The following ZIC5 variants were observed in gnomAD, a reference collection of about 807,000 sequenced individuals.
ZIC5 encodes the protein Zic family zinc finger 5, also known as zinc finger protein ZIC 5.
Under a neutral mutation model 28.5 loss-of-function variants are expected in ZIC5, and 20 were observed. The observed-to-expected ratio is 0.70, with a 90% CI of 0.49 to 1.02. The LOEUF (loss-of-function observed/expected upper bound fraction) is 1.02, where lower values mean the gene tolerates loss of function less well. Among genes scored for constraint, ZIC5 ranks in the 50% least tolerant of loss-of-function variants. ZIC5 has a pLI of 0.00. For synonymous variants in ZIC5, 488 were observed against 410.4 expected (o/e 1.19, Z -2.29); for missense variants, 951 against 899.7 (o/e 1.06, Z -0.73).
In ZIC5 at chr13:99,963,529, T is replaced by C. The variant is rs2053072603; in HGVS notation, c.*1848A>G. 1 of 152,546 alleles carries C rather than the reference T, an allele frequency of 6.6e-6. No homozygotes were observed. The highest frequency in any genetic ancestry group is 6.5e-5 in the Admixed American group (1 of 15,274). 9.4% of individuals were successfully genotyped at this position (152,546 alleles called of 1,614,324 possible). On this transcript the variant is annotated 3_prime_UTR_variant, in exon 2 of 2. Coordinates refer to ENST00000267294, the MANE Select transcript of ZIC5 (RefSeq NM_033132.5). ...CAAGTGACAGCACCATGCACTGTAC[T>C]AGTAATATAATATATCTATAAACTA...
chr13:99,970,000 G>T, intron 1 of ZIC5, 127 bp downstream of exon 1: 2 of 1,428,840 alleles, frequency 1.4e-6, no homozygotes, highest in South Asian at 1.2e-5. Flanking sequence ...ATACGTATGC[G>T]AAGAGAAGCA....
chr13:99,965,170 GA>G lies in ZIC5; in HGVS notation c.*206del, dbSNP rs34614095. On this transcript the variant is annotated 3_prime_UTR_variant, in exon 2 of 2. Coordinates refer to ENST00000267294, the MANE Select transcript of ZIC5 (RefSeq NM_033132.5). ...TGGTTGTTTTTTGTTTGTTTTTTAA[GA>G]AAAAAAAAAAAAAAAGCCCAAATAT... is the stretch of plus-strand genomic sequence containing the variant. The G allele has an allele frequency of 0.067, 14,061 of 210,148 alleles. 106 individuals carry two copies. Among genetic ancestry groups the G allele is most frequent in the East Asian group, 0.1 (926 of 9,202 alleles). 13.0% of individuals were successfully genotyped at this position (210,148 alleles called of 1,614,324 possible).
rs1485422844 is a variant in ZIC5 at position 99,970,897 on chromosome 13, A to G, written c.707T>C (p.Phe236Ser). The G allele has an allele frequency of 1.9e-5, 26 of 1,338,770 alleles. No individual in the cohort carries two copies. Among genetic ancestry groups the G allele is most frequent in the Non-Finnish European group, 2.5e-5 (26 of 1,055,698 alleles). 82.9% of individuals were successfully genotyped at this position (1,338,770 alleles called of 1,614,324 possible). ...GPDGSGGPALFPALHDTPGAP... is the reference protein window; with the variant it reads ...GPDGSGGPALSPALHDTPGAP... Reference sequence around the variant, plus strand: ...CCCCGGCGTGTCGTGCAGCGCGGGGAAGAGCGCCGGGCCGCCGCTGCCGTC... The same window carrying G: ...CCCCGGCGTGTCGTGCAGCGCGGGGGAGAGCGCCGGGCCGCCGCTGCCGTC... Residue 236 changes from phenylalanine to serine, a missense_variant, in exon 1 of 2, where the codon TTC becomes TCC. By Grantham distance (155) the Phe-to-Ser change is radical. This residue lies in a region of ZIC5 where 784 missense variants were observed against 660.1 expected (regional missense o/e 1.19). Transcript: ENST00000267294.
At position 99,965,021 on chromosome 13, in the gene ZIC5, G is replaced by GTGTATATA. The variant is rs1269496285; in HGVS notation, c.*355_*356insTATATACA. ...TAAAAAAAATAATATATATATATAT[G>GTGTATATA]TATATATATATATATATATATATTG... On this transcript the variant is annotated 3_prime_UTR_variant, in exon 2 of 2. Transcript: ENST00000267294. 7.3e-6 allele frequency: 1 copy of GTGTATATA among 136,072 alleles called. No homozygotes were observed. The highest frequency in any genetic ancestry group is 2.7e-5 in the African/African-American group (1 of 36,644). 8.4% of individuals were successfully genotyped at this position (136,072 alleles called of 1,614,324 possible).
At position 99,971,127 on chromosome 13, in the gene ZIC5, A is replaced by G; in HGVS notation, c.477T>C (p.Ser159=). 1.5e-6 allele frequency: 2 copies of G among 1,372,178 alleles called. No homozygotes were observed. 85.0% of individuals were successfully genotyped at this position (1,372,178 alleles called of 1,614,324 possible). A position where few individuals can be genotyped will look rare whatever the true frequency, so the allele number is the denominator to read the frequency against. ...CTTTGCCGCTGCTGCCGCCGCCGCC[A>G]CTGTTGGTGGTGGTGTAGCCCGAGA... ...PALSGYTTTN[S]GGGGSSGKGH... The change falls in exon 1 of 2, where the codon AGT becomes AGC. Residue 159 remains serine (S), a synonymous_variant. Transcript: ENST00000267294.
Position 99,965,468 on chromosome 13 carries a change from T to C in ZIC5, c.1829A>G (p.His610Arg). 1.9e-6 allele frequency: 3 copies of C among 1,614,008 alleles called. No homozygotes were observed. Among genetic ancestry groups the C allele is most frequent in the Non-Finnish European group, 2.5e-6 (3 of 1,179,984 alleles). The change falls in exon 2 of 2, where the codon CAC (histidine) becomes CGC (arginine). Residue 610 changes from histidine (H) to arginine (R), a missense_variant. This residue lies in a region of ZIC5 where 108 missense variants were observed against 118.4 expected (regional missense o/e 0.91). Transcript: ENST00000267294. ...TCCGTTGCTGGAAGGGGTGTGGAGGTGGCTGGGGGCCCCACTGGCCTGGCA... is the reference window on the plus strand; with the variant it reads ...TCCGTTGCTGGAAGGGGTGTGGAGGCGGCTGGGGGCCCCACTGGCCTGGCA... ...YVCQASGAPS[H>R]LHTPSSNGTT...
Position 99,965,474 on chromosome 13 carries a change from G to A in ZIC5, c.1823C>T (p.Pro608Leu). Reference protein sequence around the residue: ...EWYVCQASGAPSHLHTPSSNG... With the variant: ...EWYVCQASGALSHLHTPSSNG... ...GCTGGAAGGGGTGTGGAGGTGGCTG[G>A]GGGCCCCACTGGCCTGGCAAACGTA... Residue 608 changes from proline (P) to leucine (L), a missense_variant, in exon 2 of 2, where the codon CCC becomes CTC. By Grantham distance (98) the Pro-to-Leu change is moderately conservative. Transcript: ENST00000267294. 1 of 1,614,070 alleles carries A rather than the reference G, an allele frequency of 6.2e-7. No individual in the cohort carries two copies. The highest frequency in any genetic ancestry group is 8.5e-7 in the Non-Finnish European group (1 of 1,179,998).
At position 99,970,625 on chromosome 13, in the gene ZIC5, G is replaced by A. The variant is rs1299399544; in HGVS notation, c.979C>T (p.Leu327=). Residue 327 remains leucine (L), a synonymous_variant, in exon 1 of 2, where the codon CTG becomes TTG. Transcript: ENST00000267294. ...GCCGGGGGCGGCGCGTGGTGCTGCA[G>A]GTGGGGCCCGGGCCCGGCCGCTGCT... The part of the protein sequence containing the change: ...AAAAAGPGPH[L]QHHAPPPAPP... 3 of 1,070,146 alleles carry A rather than the reference G, an allele frequency of 2.8e-6. No homozygotes were observed. The highest frequency in any genetic ancestry group is 3.5e-5 in the African/African-American group (2 of 57,880). The allele number at this position is 1,070,146 out of a possible 1,614,324, so 66.3% of individuals were successfully genotyped here. A position where few individuals can be genotyped will look rare whatever the true frequency, so the allele number is the denominator to read the frequency against.
In ZIC5 at chr13:99,963,470, C is replaced by T. The variant is rs1435841168; in HGVS notation, c.*1907G>A. On this transcript the variant is annotated 3_prime_UTR_variant, in exon 2 of 2. Coordinates refer to ENST00000267294, the MANE Select transcript of ZIC5 (RefSeq NM_033132.5). The stretch of plus-strand genomic sequence containing the variant: ...GAGGGTCTGCATGTTTCATATTCAT[C>T]ACAACAATCTGAAGACAACATTGAA... The T allele has an allele frequency of 1.3e-5, 2 of 152,408 alleles. No individual in the cohort carries two copies. The highest frequency in any genetic ancestry group is 2.9e-5 in the Non-Finnish European group (2 of 67,994). The allele number at this position is 152,408 out of a possible 1,614,324, so 9.4% of individuals were successfully genotyped here.
rs1044083956 is a variant in ZIC5, at chr13:99,963,786, A to G, written c.*1591T>C. 1.3e-5 allele frequency: 2 copies of G among 152,344 alleles called. No homozygotes were observed. Among genetic ancestry groups the G allele is most frequent in the African/African-American group, 4.8e-5 (2 of 41,440 alleles). The allele number at this position is 152,344 out of a possible 1,614,324, so 9.4% of individuals were successfully genotyped here. ...AAAAAAAAAAAGGATGATGTCTGAA[A>G]ATAAATTAATTCAACTGTACAAATA... On this transcript the variant is annotated 3_prime_UTR_variant, in exon 2 of 2. Coordinates refer to ENST00000267294, the MANE Select transcript of ZIC5 (RefSeq NM_033132.5).
At position 99,970,629 on chromosome 13, in the gene ZIC5, G is replaced by A. The variant is rs766633692; in HGVS notation, c.975C>T (p.Pro325=). 5.1e-5 allele frequency: 55 copies of A among 1,075,226 alleles called. No homozygotes were observed. Among genetic ancestry groups the A allele is most frequent in the Middle Eastern group, 8.7e-4 (2 of 2,286 alleles). 66.6% of individuals were successfully genotyped at this position (1,075,226 alleles called of 1,614,324 possible). The stretch of plus-strand genomic sequence containing the variant: ...GGGGCGGCGCGTGGTGCTGCAGGTG[G>A]GGCCCGGGCCCGGCCGCTGCTGCGG... ...AAAAAAAGPG[P]HLQHHAPPPA... The change falls in exon 1 of 2, where the codon CCC becomes CCT. Residue 325 remains proline, a synonymous_variant. Transcript: ENST00000267294.
chr13:99,971,368 C>A lies in ZIC5; in HGVS notation c.236G>T (p.Gly79Val). The stretch of plus-strand genomic sequence containing the variant: ...GAACGCCTGGGAGGGAGGGCTGAGG[C>A]CCAGCGTGCTCGCCTGGGCCATGTG... The part of the protein sequence containing the change: ...PEHMAQASTL[G>V]LSPPSQAFPA... Residue 79 changes from glycine to valine, a missense_variant, in exon 1 of 2, where the codon GGC (glycine) becomes GTC (valine). Around this residue, in one of 3 missense-constraint regions of ZIC5, gnomAD observed 784 missense variants for 660.1 expected, o/e 1.19. Transcript: ENST00000267294. 6.8e-7 allele frequency: 1 copy of A among 1,466,986 alleles called. No individual in the cohort carries two copies. Among genetic ancestry groups the A allele is most frequent in the Non-Finnish European group, 8.9e-7 (1 of 1,120,602 alleles). The allele number at this position is 1,466,986 out of a possible 1,614,324, so 90.9% of individuals were successfully genotyped here.
chr13:99,971,826 T>C, upstream of ZIC5: 1 of 999,352 alleles, frequency 1.0e-6, no homozygotes, highest in Non-Finnish European at 1.5e-6. Context: ...ACGGGTGGGA[T>C]TGGAGGGAGC....
Sources: gnomAD v4.1 joint callset for allele counts on GRCh38, gnomAD v4.1.1 for gene constraint, gnomAD v4.1.1 regional missense constraint, MANE v1.5 for transcripts, NCBI Gene and HGNC (gene_info 2026-07-23, HGNC 2026-07-21) for gene names.